Variants in RSBN1 observed in about 807,000 individuals in gnomAD.
RSBN1 encodes round spermatid basic protein 1, also known as lysine-specific demethylase 9.
In RSBN1, 23 loss-of-function variants were observed where a neutral mutation model predicts 74.8. The observed-to-expected ratio is 0.31, with a 90% CI of 0.22 to 0.44. RSBN1 has a LOEUF of 0.44. Ranked by LOEUF, RSBN1 falls within the 20% of genes least tolerant of loss-of-function variation. The pLI is 1.00. For missense variants in RSBN1, 808 were observed against 1,020.9 expected (o/e 0.79, Z 2.84); for synonymous variants, 407 against 379.6 (o/e 1.07, Z -0.84).
intron 1 of RSBN1, among the ~76,000 whole-genome samples, chr1:113,806,731 T>C (rs1366848764): frequency 1.3e-5 from 2 of 150,046 alleles, no homozygotes; most frequent in Middle Eastern, 3.5e-3. Flanking sequence ...CCAGGCACAG[T>C]GGCTCCTGTC....
rs147792641 is a variant in RSBN1, at chr1:113,765,274, GAA to G, written c.*704_*705del. Reference sequence around the variant, plus strand: ...TCTTCAACAGTTAGCATATATTCTAGAAGAGATTAATGAGCCATGGATAATGA... The same window carrying G: ...TCTTCAACAGTTAGCATATATTCTAGGAGATTAATGAGCCATGGATAATGA... On this transcript the variant is annotated 3_prime_UTR_variant, in exon 7 of 7. Transcript: ENST00000261441. 1,125 of 152,228 alleles carry G rather than the reference GAA, an allele frequency of 7.4e-3. 14 individuals carry two copies. The highest frequency in any genetic ancestry group is 0.01 in the Non-Finnish European group (711 of 67,980). The allele number at this position is 152,228 out of a possible 1,614,324, so 9.4% of individuals were successfully genotyped here. A position where few individuals can be genotyped will look rare whatever the true frequency, so the allele number is the denominator to read the frequency against.
chr1:113,807,057 A>G (rs1275855401), intron 1 of RSBN1, among the ~76,000 whole-genome samples: 2 of 152,082 alleles, frequency 1.3e-5, no homozygotes, highest in African/African-American at 2.4e-5. Flanking sequence ...TCATGCCTGT[A>G]ATCCCAGCAC....
At chr1:113,806,886 A>T (rs1660710726) in intron 1 of RSBN1, among the ~76,000 whole-genome samples, 2 of 149,370 alleles carry the variant, frequency 1.3e-5, no homozygotes, top group African/African-American at 2.5e-5. Flanking sequence ...GGTGGTGCAC[A>T]CGTGTGGTCT....
intron 1 of RSBN1, among the ~76,000 whole-genome samples, chr1:113,798,859 T>C (rs895652372): frequency 6.6e-6 from 1 of 152,160 alleles, no homozygotes; most frequent in Non-Finnish European, 1.5e-5. Context: ...ATATTATAGA[T>C]GAAAAAACTG....
intron 2 of RSBN1, among the ~76,000 whole-genome samples, chr1:113,784,848 G>A (rs911456678): frequency 5.3e-5 from 8 of 152,166 alleles, no homozygotes; most frequent in African/African-American, 1.9e-4. Flanking sequence ...GAGTTGTTAT[G>A]GGTCAGTGAG....
chr1:113,776,810 CA>C (rs58152175), intron 4 of RSBN1, among the ~76,000 whole-genome samples: 44,064 of 90,256 alleles, frequency 0.49, 7,622 homozygotes, highest in African/African-American at 0.57. Context: ...GACCCTATCT[CA>C]AAAAAAAAAA....
chr1:113,796,504 A>T (rs1050559284), intron 2 of RSBN1, among the ~76,000 whole-genome samples: 15 of 151,926 alleles, frequency 9.9e-5, no homozygotes, highest in East Asian at 3.8e-4. Context: ...TACCTAAAAA[A>T]ATATATATAT....
At chr1:113,767,005 C>A in intron 6 of RSBN1, 94 bp downstream of exon 6, 109 of 565,174 alleles carry the variant, frequency 1.9e-4, no homozygotes, top group East Asian at 1.8e-4. Context: ...AACTCACTAT[C>A]CCACATATCA....
intron 4 of RSBN1, among the ~76,000 whole-genome samples, chr1:113,773,346 G>A (rs925800424): frequency 6.6e-5 from 10 of 152,082 alleles, no homozygotes; most frequent in South Asian, 2.1e-4. Context: ...CCAATATGGC[G>A]AAACCCCTCT....
At chr1:113,766,821 G>C (rs1659789294) in intron 6 of RSBN1, among the ~76,000 whole-genome samples, 1 of 152,146 alleles carries the variant, frequency 6.6e-6, no homozygotes, top group African/African-American at 2.4e-5. Context: ...AGTGCAATGG[G>C]GTTAACAAGT....
chr1:113,802,050 G>C (rs540743758), intron 1 of RSBN1, among the ~76,000 whole-genome samples: 1 of 151,702 alleles, frequency 6.6e-6, no homozygotes, highest in Non-Finnish European at 1.5e-5. Context: ...TGCCTCCCAA[G>C]TTCAAGTGAT....
At chr1:113,798,175 A>C (rs1252071661) in intron 1 of RSBN1, 139 bp from the exon 2 acceptor site, 17 of 681,366 alleles carry the variant, frequency 2.5e-5, no homozygotes, top group Admixed American at 1.3e-4. Context: ...TTAGAAAACA[A>C]ATGAGACAGA....
chr1:113,811,137 A>C (rs919323869), intron 1 of RSBN1, among the ~76,000 whole-genome samples: 1 of 152,236 alleles, frequency 6.6e-6, no homozygotes, highest in African/African-American at 2.4e-5. Flanking sequence ...GCCTATTCTA[A>C]GAATTTAAAT....
In RSBN1 at chr1:113,770,141, T is replaced by A. The variant is rs574044450; in HGVS notation, c.1659-1752A>T. On this transcript the variant is annotated intron_variant, in intron 4 of 6. Transcript: ENST00000261441. Reference sequence around the variant, plus strand: ...GGAATAGACATGAACTGATTCTGTCTAATAGTATGAAAGGAAATATGCTGA... The same window carrying A: ...GGAATAGACATGAACTGATTCTGTCAAATAGTATGAAAGGAAATATGCTGA... Among the ~76,000 whole-genome samples, 11 of 152,346 alleles carry A rather than the reference T, an allele frequency of 7.2e-5. No homozygotes were observed. The South Asian group carries it at 2.3e-3, about 32-fold the overall frequency.
intron 2 of RSBN1, among the ~76,000 whole-genome samples, chr1:113,784,683 T>C (rs896544383): frequency 6.6e-6 from 1 of 152,224 alleles, no homozygotes; most frequent in Non-Finnish European, 1.5e-5. Flanking sequence ...CAAGCAGCAA[T>C]GCTATTATAG....
At chr1:113,766,497 A>G in intron 6 of RSBN1, 44 bp from the exon 7 acceptor site, 1 of 1,262,618 alleles carries the variant, frequency 7.9e-7, no homozygotes, top group Admixed American at 2.1e-5. Context: ...AATATGTAAT[A>G]ATTTAGTCAA....
rs1401477459 is a variant in RSBN1 at position 113,765,996 on chromosome 1, G to C, written c.2393C>G (p.Ser798Ter). ...SDQQHNLQEHSTTSV is the reference protein window; with the variant it reads ...SDQQHNLQEH ...ATGTACATATCACACAGAAGTGGTTGAATGTTCTTGCAGATTGTGTTGCTG... is the reference window on the plus strand; with the variant it reads ...ATGTACATATCACACAGAAGTGGTTCAATGTTCTTGCAGATTGTGTTGCTG... Residue 798 changes from serine (S) to a stop codon, truncating the protein, a stop_gained, in exon 7 of 7, where the codon TCA (serine) becomes TGA (stop). Transcript: ENST00000261441. LOFTEE classifies it high-confidence loss of function. The C allele has an allele frequency of 6.2e-7, 1 of 1,612,082 alleles. No homozygotes were observed. Among genetic ancestry groups the C allele is most frequent in the South Asian group, 1.1e-5 (1 of 91,058 alleles).
chr1:113,778,492 G>T (rs1660077854), intron 2 of RSBN1, among the ~76,000 whole-genome samples: 1 of 151,790 alleles, frequency 6.6e-6, no homozygotes, highest in African/African-American at 2.4e-5. Flanking sequence ...TAGAGATGGG[G>T]TTTCAACACG....
At chr1:113,798,571 AACT>A (rs1279966290) in intron 1 of RSBN1, among the ~76,000 whole-genome samples, 1 of 152,210 alleles carries the variant, frequency 6.6e-6, no homozygotes, top group East Asian at 1.9e-4. Context: ...GGTCATTCTC[AACT>A]ACTACTGCTG....
Sources: gnomAD v4.1 joint callset for allele counts (sites outside exome capture counted in the v4.1 genomes callset) on GRCh38, gnomAD v4.1.1 for gene constraint, MANE v1.5 for transcripts, NCBI Gene and HGNC (gene_info 2026-07-23, HGNC 2026-07-21) for gene names.